RIPOR3: variants seen among roughly 807,000 people sequenced by gnomAD.
RIPOR3 encodes the protein RIPOR family member 3, also known as family with sequence similarity 65 member C.
A neutral mutation model predicts 114.3 loss-of-function variants in RIPOR3; 95 were observed. The ratio of observed to expected loss-of-function variants is 0.83; its 90% CI spans 0.70 to 0.99. The LOEUF (loss-of-function observed/expected upper bound fraction) is 0.99. RIPOR3 is among the 50% of genes least tolerant of loss of function. The pLI, the probability that RIPOR3 is intolerant of heterozygous loss-of-function variation, is 0.00. For synonymous variants in RIPOR3, 575 were observed against 543.8 expected, an observed-to-expected ratio of 1.06 and a Z score of -0.80; for missense variants, 1,252 against 1,266.9, an observed-to-expected ratio of 0.99 and a Z score of 0.18.
At chr20:50,589,307 CTT>C (rs1241590522) in intron 20 of RIPOR3, among the ~76,000 whole-genome samples, 36 of 137,628 alleles carry the variant, frequency 2.6e-4, no homozygotes, top group Admixed American at 2.9e-4. Context: ...TATTTTGTAA[CTT>C]TTTTTTTTTT....
chr20:50,668,895 A>G (rs1213622678), intron 1 of RIPOR3, among the ~76,000 whole-genome samples: 1 of 152,060 alleles, frequency 6.6e-6, no homozygotes, highest in Admixed American at 6.6e-5. Context: ...GAGGCTGCAC[A>G]CACACATGCA....
intron 2 of RIPOR3, among the ~76,000 whole-genome samples, chr20:50,630,135 T>G (rs1312198186): frequency 6.6e-6 from 1 of 152,092 alleles, no homozygotes; most frequent in African/African-American, 2.4e-5. Context: ...ATCCAACTAA[T>G]TTTTGCATTT....
intron 1 of RIPOR3, among the ~76,000 whole-genome samples, chr20:50,647,304 G>A: frequency 6.6e-6 from 1 of 151,940 alleles, no homozygotes; most frequent in East Asian, 1.9e-4. Context: ...TAGGCGACAA[G>A]AGCGAAACTC....
At chr20:50,635,093 A>G (rs747542923) in intron 1 of RIPOR3, among the ~76,000 whole-genome samples, 1 of 152,216 alleles carries the variant, frequency 6.6e-6, no homozygotes, top group Non-Finnish European at 1.5e-5. Flanking sequence ...CAGGCCATAC[A>G]GTTTTTGTCA....
chr20:50,684,618 G>A (rs984476160), intron 1 of RIPOR3, among the ~76,000 whole-genome samples: 1 of 152,150 alleles, frequency 6.6e-6, no homozygotes, highest in Non-Finnish European at 1.5e-5. Context: ...TAGACCAGGA[G>A]GGAGGCAAGA....
At chr20:50,641,971 T>C (rs1320058926) in intron 1 of RIPOR3, among the ~76,000 whole-genome samples, 2 of 152,142 alleles carry the variant, frequency 1.3e-5, no homozygotes, top group African/African-American at 4.8e-5. Flanking sequence ...TGCAGAGCCC[T>C]TGGATGTGTG....
intron 2 of RIPOR3, among the ~76,000 whole-genome samples, chr20:50,621,932 C>T (rs1412145): frequency 0.036 from 5,473 of 152,202 alleles, 228 homozygotes; most frequent in African/African-American, 0.1. Context: ...TATAGGAGTA[C>T]GAGGCCAGGG....
intron 1 of RIPOR3, among the ~76,000 whole-genome samples, chr20:50,670,298 T>C (rs2086424471): frequency 6.6e-6 from 1 of 152,108 alleles, no homozygotes; most frequent in Admixed American, 6.6e-5. Flanking sequence ...GCAGCAATCT[T>C]GGGCATCGGA....
At chr20:50,630,242 A>G (rs1391581087) in intron 2 of RIPOR3, among the ~76,000 whole-genome samples, 1 of 152,188 alleles carries the variant, frequency 6.6e-6, no homozygotes, top group Non-Finnish European at 1.5e-5. Context: ...TGCTAGGATT[A>G]CAGGCATGAG....
At chr20:50,620,332 A>G (rs1170992527) in intron 2 of RIPOR3, among the ~76,000 whole-genome samples, 200 bp from the exon 3 acceptor site, 1 of 152,088 alleles carries the variant, frequency 6.6e-6, no homozygotes, top group African/African-American at 2.4e-5. Context: ...TCATCTGTAA[A>G]ATTAGGATCC....
At chr20:50,667,526 T>C (rs2086295561) in intron 1 of RIPOR3, among the ~76,000 whole-genome samples, 1 of 152,072 alleles carries the variant, frequency 6.6e-6, no homozygotes, top group African/African-American at 2.4e-5. Flanking sequence ...ATTCCTGACC[T>C]CGTGATCCGC....
intron 1 of RIPOR3, among the ~76,000 whole-genome samples, chr20:50,658,016 C>T (rs748655594): frequency 2.0e-5 from 3 of 152,004 alleles, no homozygotes; most frequent in African/African-American, 4.8e-5. Flanking sequence ...CCTCCTACCT[C>T]GGCCTCCCAA....
At chr20:50,610,934 G>A (rs756906740) in intron 5 of RIPOR3, 28 bp from the exon 6 acceptor site, 4 of 1,614,152 alleles carry the variant, frequency 2.5e-6, no homozygotes, top group Admixed American at 1.7e-5. Flanking sequence ...GAAGATGTTT[G>A]CAAAGTTGCC....
chr20:50,598,922 G>C (rs2083397374), intron 13 of RIPOR3, among the ~76,000 whole-genome samples: 1 of 138,274 alleles, frequency 7.2e-6, no homozygotes, highest in African/African-American at 2.6e-5. Context: ...AAAAAAAAAA[G>C]GAGGGGGTTA....
chr20:50,655,087 G>A (rs567479579), intron 1 of RIPOR3, among the ~76,000 whole-genome samples: 1 of 152,322 alleles, frequency 6.6e-6, no homozygotes, highest in East Asian at 1.9e-4. Context: ...ACTCATCAAC[G>A]AATTTCTCCC....
intron 1 of RIPOR3, among the ~76,000 whole-genome samples, chr20:50,651,722 G>C (rs775332842): frequency 2.6e-5 from 4 of 152,194 alleles, no homozygotes; most frequent in Non-Finnish European, 5.9e-5. Context: ...AGCAGGGTAT[G>C]CATCGTAAGG....
At chr20:50,604,529 A>C (rs897212996) in intron 12 of RIPOR3, 116 bp downstream of exon 12, 4 of 1,412,334 alleles carry the variant, frequency 2.8e-6, no homozygotes, top group Non-Finnish European at 2.8e-6. Context: ...CCTCAAACGG[A>C]AGCTGAGCCC....
chr20:50,605,942 G>A (rs936581469), intron 11 of RIPOR3, among the ~76,000 whole-genome samples: 11 of 152,066 alleles, frequency 7.2e-5, no homozygotes, highest in Admixed American at 5.9e-4. Flanking sequence ...GGTGGCTCAT[G>A]CCTGTAATCC....
intron 4 of RIPOR3, 41 bp from the exon 5 acceptor site, chr20:50,611,245 C>T (rs1030391352): frequency 6.2e-7 from 1 of 1,613,626 alleles, no homozygotes; most frequent in African/African-American, 1.3e-5. Context: ...CTGTCAGAGT[C>T]CCACATGTTC....
Sources: allele counts gnomAD v4.1 joint callset (sites outside exome capture counted in the v4.1 genomes callset), GRCh38; gene constraint gnomAD v4.1.1; transcripts MANE v1.5; gene names NCBI Gene and HGNC (gene_info 2026-07-23, HGNC 2026-07-21).